The following HDAC9 variants were observed in gnomAD, a reference collection of about 807,000 sequenced individuals.
HDAC9 encodes the protein histone deacetylase 9.
In HDAC9, 41 loss-of-function variants were observed where a neutral mutation model predicts 139.4. That is an observed-to-expected ratio of 0.29 (90% CI 0.23 to 0.38). The LOEUF is 0.38. HDAC9 is among the 10% of genes least tolerant of loss of function. The probability of loss-of-function intolerance (pLI) is 1.00; values close to 1 mark genes in which losing one functional copy is unlikely to be tolerated. For missense variants in HDAC9, 1,147 were observed against 1,297.0 expected (o/e 0.88, Z 1.78); for synonymous variants, 517 against 476.2 (o/e 1.09, Z -1.12).
At chr7:18,292,388 G>A (rs994606872) in intron 1 of HDAC9, among the ~76,000 whole-genome samples, 2 of 152,092 alleles carry the variant, frequency 1.3e-5, no homozygotes, top group African/African-American at 2.4e-5. Context: ...AAATGCATCC[G>A]TGGTTTTGCT....
At chr7:18,188,727 C>T (rs1030350123) in intron 2 of HDAC9, among the ~76,000 whole-genome samples, 6 of 152,088 alleles carry the variant, frequency 3.9e-5, no homozygotes, top group South Asian at 2.1e-4. Flanking sequence ...ACATAGCCAG[C>T]GAACATGTGA....
chr7:18,993,536 G>C (rs1408486044), intron 25 of HDAC9, among the ~76,000 whole-genome samples: 2 of 152,118 alleles, frequency 1.3e-5, no homozygotes, highest in African/African-American at 4.8e-5. Context: ...ACATGGTGGC[G>C]TACCCCTGTA....
intron 1 of HDAC9, among the ~76,000 whole-genome samples, chr7:18,445,829 G>T (rs1192823107): frequency 6.6e-6 from 1 of 152,126 alleles, no homozygotes; most frequent in African/African-American, 2.4e-5. Context: ...TCCTGAAAAT[G>T]GTTTGACCTT....
intron 22 of HDAC9, among the ~76,000 whole-genome samples, chr7:18,918,031 AG>A (rs1803364472): frequency 6.6e-6 from 1 of 152,106 alleles, no homozygotes; most frequent in South Asian, 2.1e-4. Flanking sequence ...TAGTGACATC[AG>A]GAGGAGAAAC....
At chr7:18,991,407 G>A (rs4721735) in intron 25 of HDAC9, among the ~76,000 whole-genome samples, 79,780 of 152,148 alleles carry the variant, frequency 0.52, 21,609 homozygotes, top group Non-Finnish European at 0.6. Flanking sequence ...TTGGGAGGCC[G>A]AGGCGGGCAG....
intron 1 of HDAC9, among the ~76,000 whole-genome samples, chr7:18,102,619 A>G (rs1352318866): frequency 6.6e-6 from 1 of 152,228 alleles, no homozygotes; most frequent in Non-Finnish European, 1.5e-5. Context: ...GGAGACTGTT[A>G]GTTGTCTCCT....
At position 18,666,226 on chromosome 7, in the gene HDAC9, C is replaced by G; in HGVS notation, c.1481C>G (p.Ser494Cys). 6.2e-7 allele frequency: 1 copy of G among 1,611,624 alleles called. No homozygotes were observed. The highest frequency in any genetic ancestry group is 8.5e-7 in the Non-Finnish European group (1 of 1,178,380). ...QIHMNKLLSK[S>C]IEQLKQPGSH... The stretch of plus-strand genomic sequence containing the variant: ...ACTCTCTTCTAGCTGCTTTCGAAAT[C>G]TATTGAACAACTGAAGCAACCAGGC... The change falls in exon 12 of 26, where the codon TCT becomes TGT. Residue 494 changes from serine (S) to cysteine (C), a missense_variant. Ser to Cys is a moderately radical substitution (Grantham distance 112). Around this residue, in one of 7 missense-constraint regions of HDAC9, gnomAD observed 256 missense variants for 219.2 expected, o/e 1.17. Coordinates refer to ENST00000686413, the MANE Select transcript of HDAC9 (RefSeq NM_178425.4).
At chr7:18,577,873 A>G (rs1826492627) in intron 2 of HDAC9, among the ~76,000 whole-genome samples, 1 of 152,142 alleles carries the variant, frequency 6.6e-6, no homozygotes, top group South Asian at 2.1e-4. Context: ...GTATTTATGA[A>G]ACCCAATCCA....
chr7:18,452,191 C>T (rs781269147), intron 1 of HDAC9, among the ~76,000 whole-genome samples: 2 of 152,106 alleles, frequency 1.3e-5, no homozygotes, highest in African/African-American at 4.8e-5. Context: ...CTAGGCTGAA[C>T]TGTGGTAGCC....
At chr7:18,981,339 T>C (rs987973046) in intron 25 of HDAC9, among the ~76,000 whole-genome samples, 14 of 152,180 alleles carry the variant, frequency 9.2e-5, no homozygotes, top group African/African-American at 3.4e-4. Context: ...GATAAAGTGT[T>C]AGGGGCCAGG....
chr7:18,506,352 G>C (rs766718436), intron 2 of HDAC9, among the ~76,000 whole-genome samples: 9 of 152,024 alleles, frequency 5.9e-5, no homozygotes, highest in African/African-American at 1.4e-4. Context: ...AGACACACAG[G>C]GTTTATTTTT....
chr7:18,489,625 G>A (rs112433093), intron 1 of HDAC9, among the ~76,000 whole-genome samples: 2,034 of 151,896 alleles, frequency 0.013, 45 homozygotes, highest in African/African-American at 0.046. Flanking sequence ...ATGAAAGTAG[G>A]GCCTGTCTCA....
chr7:18,709,347 T>A (rs1784176350), intron 12 of HDAC9, among the ~76,000 whole-genome samples: 1 of 152,178 alleles, frequency 6.6e-6, no homozygotes, highest in South Asian at 2.1e-4. Context: ...GCTTCTAGCT[T>A]CATCCATGTC....
intron 25 of HDAC9, among the ~76,000 whole-genome samples, chr7:18,981,581 T>A (rs956635352): frequency 1.3e-5 from 2 of 152,136 alleles, no homozygotes; most frequent in African/African-American, 4.8e-5. Context: ...TTGCCTGCAT[T>A]CCTTGGCTCA....
intron 24 of HDAC9, among the ~76,000 whole-genome samples, chr7:18,956,591 G>T (rs1000650979): frequency 1.1e-4 from 16 of 152,054 alleles, no homozygotes; most frequent in African/African-American, 2.7e-4. Context: ...CTGAGTCAAG[G>T]ATATATGGTG....
chr7:18,180,359 A>G (rs879594752), intron 2 of HDAC9, among the ~76,000 whole-genome samples: 1 of 151,162 alleles, frequency 6.6e-6, no homozygotes, highest in Non-Finnish European at 1.5e-5. Context: ...TTCTTTCTGG[A>G]CCTTGTGCTA....
intron 12 of HDAC9, among the ~76,000 whole-genome samples, chr7:18,689,733 T>C (rs985549787): frequency 2.0e-5 from 3 of 151,976 alleles, no homozygotes; most frequent in Admixed American, 6.6e-5. Context: ...AGCAGCCTAG[T>C]TTCCCTTTGA....
intron 11 of HDAC9, among the ~76,000 whole-genome samples, chr7:18,652,333 A>C (rs903874970): frequency 6.6e-6 from 1 of 152,092 alleles, no homozygotes; most frequent in African/African-American, 2.4e-5. Flanking sequence ...AAAAAGTAAT[A>C]AGGTATTGGT....
chr7:18,639,646 G>A (rs1784953306), intron 8 of HDAC9, among the ~76,000 whole-genome samples: 1 of 151,920 alleles, frequency 6.6e-6, no homozygotes, highest in Admixed American at 6.6e-5. Flanking sequence ...ATACAATCTT[G>A]AAAAATCCCA....
Sources: gnomAD v4.1 joint callset for allele counts (sites outside exome capture counted in the v4.1 genomes callset) on GRCh38, gnomAD v4.1.1 for gene constraint, gnomAD v4.1.1 regional missense constraint, MANE v1.5 for transcripts, NCBI Gene and HGNC (gene_info 2026-07-23, HGNC 2026-07-21) for gene names.